Variants in SPOPL observed in about 807,000 individuals in gnomAD.
SPOPL encodes the protein speckle-type POZ protein-like.
Under a neutral mutation model 53.8 loss-of-function variants are expected in SPOPL, and 23 were observed. The observed-to-expected ratio is 0.43, with a 90% CI of 0.31 to 0.61. The LOEUF (loss-of-function observed/expected upper bound fraction) is 0.61, where lower values mean the gene tolerates loss of function less well. Ranked by LOEUF, SPOPL falls within the 20% of genes least tolerant of loss-of-function variation. The probability of loss-of-function intolerance (pLI) is 0.12; values close to 1 mark genes in which losing one functional copy is unlikely to be tolerated. For synonymous variants in SPOPL, 164 were observed against 149.7 expected (o/e 1.10, Z -0.70); for missense variants, 442 against 466.9 (o/e 0.95, Z 0.49).
chr2:138,514,161 TG>T (rs1684389278), intron 1 of SPOPL, among the ~76,000 whole-genome samples: 1 of 152,198 alleles, frequency 6.6e-6, no homozygotes, highest in Non-Finnish European at 1.5e-5. Context: ...GGACCTGCGC[TG>T]GGGTAACAGC....
At chr2:138,534,994 T>C (rs1018556341) in intron 1 of SPOPL, among the ~76,000 whole-genome samples, 1 of 152,222 alleles carries the variant, frequency 6.6e-6, no homozygotes, top group Non-Finnish European at 1.5e-5. Flanking sequence ...CTCACACCTG[T>C]AATCTCAGCA....
At position 138,514,527 on chromosome 2, in the gene SPOPL, A is replaced by G. The variant is rs545281464; in HGVS notation, c.-61+12408A>G. Among the ~76,000 whole-genome samples, 11 of 152,316 alleles carry G rather than the reference A, an allele frequency of 7.2e-5. No homozygotes were observed. In the South Asian group the frequency reaches 2.3e-3, roughly 32 times the overall value. On this transcript the variant is annotated intron_variant, in intron 1 of 10. Coordinates refer to ENST00000280098, the MANE Select transcript of SPOPL (RefSeq NM_001001664.3). ...CAGATTCAAGCATGTTGCCTGTAGC[A>G]ATAGTTTATTCTCACTGCTTCATAA...
rs1306953588 is a variant in SPOPL at position 138,557,742 on chromosome 2, T to A, written c.481-1280T>A. On this transcript the variant is annotated intron_variant, in intron 5 of 10. Transcript: ENST00000280098. ...GCACTTTTTGTTTTGTTTTGTTTTTTAAAAAAGTCATTTACTTTGAAACAT... is the reference window on the plus strand; with the variant it reads ...GCACTTTTTGTTTTGTTTTGTTTTTAAAAAAAGTCATTTACTTTGAAACAT... 3.3e-5 allele frequency among the ~76,000 whole-genome samples: 5 copies of A among 152,344 alleles called. No individual in the cohort carries two copies. The South Asian group carries it at 1.0e-3, about 32-fold the overall frequency.
rs1685630158 is a variant in SPOPL, at chr2:138,564,982, C to T, written c.1023C>T (p.Asn341=). Residue 341 remains asparagine, a synonymous_variant, in exon 10 of 11, where the codon AAC becomes AAT. Transcript: ENST00000280098. ...AACTTGGGTGTAAAGATGGGAAAAA[C>T]TGGAACAGCAAGTAAGATGACATCA... is the stretch of plus-strand genomic sequence containing the variant. ...LRQLGCKDGK[N]WNSNQATDIM... The T allele has an allele frequency of 1.9e-6, 3 of 1,613,876 alleles. No homozygotes were observed. The Admixed American group carries it at 5.0e-5, about 27-fold the overall frequency.
rs115435213 is a variant in SPOPL, at chr2:138,519,488, A to G, written c.-61+17369A>G. The stretch of plus-strand genomic sequence containing the variant: ...TGCTTTTCTGTGTTTCAGTTTCCCT[A>G]TATGTAGAATAGAAGTAAATACTTA... On this transcript the variant is annotated intron_variant, in intron 1 of 10. Transcript: ENST00000280098. 8.7e-4 allele frequency among the ~76,000 whole-genome samples: 132 copies of G among 152,122 alleles called. 1 individual carries two copies. The Middle Eastern group carries it at 0.014, about 16-fold the overall frequency.
chr2:138,566,227 G>A (rs1426655457), intron 10 of SPOPL, among the ~76,000 whole-genome samples: 1 of 152,028 alleles, frequency 6.6e-6, no homozygotes, highest in Non-Finnish European at 1.5e-5. Flanking sequence ...GTCAGTGTAT[G>A]CTAATATGAT....
chr2:138,522,473 C>T (rs892935500), intron 1 of SPOPL, among the ~76,000 whole-genome samples: 3 of 152,030 alleles, frequency 2.0e-5, no homozygotes, highest in African/African-American at 7.2e-5. Context: ...AAACTGGGGT[C>T]CTGTGTAAAT....
At chr2:138,564,684 TG>T (rs1685621393) in intron 8 of SPOPL, 23 bp from the exon 9 acceptor site, 1 of 1,612,710 alleles carries the variant, frequency 6.2e-7, no homozygotes, top group Admixed American at 1.7e-5. Flanking sequence ...AAATGTTTAA[TG>T]GTTATGTTTT....
At chr2:138,550,756 G>GAT in intron 3 of SPOPL, 147 bp from the exon 4 acceptor site, 1 of 1,393,992 alleles carries the variant, frequency 7.2e-7, no homozygotes, top group African/African-American at 1.4e-5. Flanking sequence ...GAATTATAAA[G>GAT]AACTGTGAGG....
intron 1 of SPOPL, among the ~76,000 whole-genome samples, chr2:138,502,405 A>G (rs1684122499): frequency 6.6e-6 from 1 of 150,750 alleles, no homozygotes; most frequent in East Asian, 2.0e-4. Flanking sequence ...CTTTAGTTTT[A>G]CCCCCGGGCC....
rs998348051 is a variant in SPOPL, at chr2:138,564,721, G to A, written c.851G>A (p.Arg284Gln). 8 of 1,614,110 alleles carry A rather than the reference G, an allele frequency of 5.0e-6. No individual in the cohort carries two copies. The highest frequency in any genetic ancestry group is 1.6e-4 in the Middle Eastern group (1 of 6,062). ...LAAADKYALE[R>Q]LKVMCEEALC... The stretch of plus-strand genomic sequence containing the variant: ...CATTTTGGATAGTATGCACTGGAAC[G>A]GCTGAAGGTCATGTGCGAAGAAGCT... Residue 284 changes from arginine to glutamine, a missense_variant, in exon 9 of 11, where the codon CGG becomes CAG. Physicochemically the swap from Arg to Gln is conservative, Grantham distance 43 (BLOSUM62 1). Coordinates refer to ENST00000280098, the MANE Select transcript of SPOPL (RefSeq NM_001001664.3).
In SPOPL at chr2:138,506,172, G is replaced by A. The variant is rs1238731425; in HGVS notation, c.-61+4053G>A. On this transcript the variant is annotated intron_variant, in intron 1 of 10. Transcript: ENST00000280098. Reference sequence around the variant, plus strand: ...CAGAGAACAGGTTGGAAAGAGGCAAGTGTAAATACAGGGAGACTAATTAAG... The same window carrying A: ...CAGAGAACAGGTTGGAAAGAGGCAAATGTAAATACAGGGAGACTAATTAAG... Among the ~76,000 whole-genome samples, 3 of 152,356 alleles carry A rather than the reference G, an allele frequency of 2.0e-5. No homozygotes were observed. In the South Asian group the frequency reaches 6.2e-4, roughly 32 times the overall value.
intron 5 of SPOPL, among the ~76,000 whole-genome samples, chr2:138,558,440 G>C (rs1685474110): frequency 6.6e-6 from 1 of 152,028 alleles, no homozygotes; most frequent in Non-Finnish European, 1.5e-5. Flanking sequence ...TTTTGTGGAA[G>C]TTTTTGTACC....
chr2:138,505,750 G>A (rs1286627765), intron 1 of SPOPL, among the ~76,000 whole-genome samples: 1 of 151,866 alleles, frequency 6.6e-6, no homozygotes, highest in Non-Finnish European at 1.5e-5. Context: ...AACAGAGTGA[G>A]ACTCTGTCTC....
At chr2:138,510,820 ATAAAAT>A (rs1352478669) in intron 1 of SPOPL, among the ~76,000 whole-genome samples, 1 of 152,356 alleles carries the variant, frequency 6.6e-6, no homozygotes, top group East Asian at 1.9e-4. Context: ...AAAAAATGAA[ATAAAAT>A]TAACAGTGAG....
At chr2:138,537,974 C>T (rs1346341712) in intron 1 of SPOPL, among the ~76,000 whole-genome samples, 8 of 152,132 alleles carry the variant, frequency 5.3e-5, no homozygotes, top group South Asian at 2.1e-4. Context: ...TTCACATTTT[C>T]GGTTTCCTCT....
intron 5 of SPOPL, among the ~76,000 whole-genome samples, chr2:138,557,800 AT>A (rs1685460241): frequency 6.6e-6 from 1 of 152,082 alleles, no homozygotes. Context: ...CTTTAAGTGT[AT>A]TTTTTTACAT....
chr2:138,557,700 A>G (rs1685457744), intron 5 of SPOPL, among the ~76,000 whole-genome samples: 1 of 152,242 alleles, frequency 6.6e-6, no homozygotes, highest in Admixed American at 6.5e-5. Flanking sequence ...TGAAAACAGC[A>G]GTAGATAAGT....
rs755995699 is a variant in SPOPL at position 138,558,971 on chromosome 2, T to C, written c.481-51T>C. ...AATTGAAGTATGGACTTAAACTAAT[T>C]ACTGATATTACTTTGTGAAAGTGTT... is the stretch of plus-strand genomic sequence containing the variant. On this transcript the variant is annotated intron_variant, in intron 5 of 10. Transcript: ENST00000280098. The C allele has an allele frequency of 2.1e-6, 3 of 1,459,236 alleles. No individual in the cohort carries two copies. In the Admixed American group the frequency reaches 7.2e-5, roughly 35 times the overall value. The allele number at this position is 1,459,236 out of a possible 1,614,324, so 90.4% of individuals were successfully genotyped here.
Sources: gnomAD v4.1 joint callset for allele counts (sites outside exome capture counted in the v4.1 genomes callset) on GRCh38, gnomAD v4.1.1 for gene constraint, MANE v1.5 for transcripts, NCBI Gene and HGNC (gene_info 2026-07-23, HGNC 2026-07-21) for gene names.